The following RHBDF2 variants were observed in gnomAD, a reference collection of about 807,000 sequenced individuals.
The protein encoded by RHBDF2 is rhomboid 5 homolog 2.
Under a neutral mutation model 95.2 loss-of-function variants are expected in RHBDF2, and 38 were observed. The ratio of observed to expected loss-of-function variants is 0.40; its 90% CI spans 0.31 to 0.52. The LOEUF (loss-of-function observed/expected upper bound fraction) is 0.52. Among genes scored for constraint, RHBDF2 ranks in the 20% least tolerant of loss-of-function variants. The pLI is 0.56. For missense variants in RHBDF2, 863 were observed against 1,137.7 expected (o/e 0.76, Z 3.47); for synonymous variants, 442 against 462.0 (o/e 0.96, Z 0.55).
At chr17:76,491,205 T>A (rs905384579) in intron 1 of RHBDF2, among the ~76,000 whole-genome samples, 4 of 151,850 alleles carry the variant, frequency 2.6e-5, no homozygotes, top group Non-Finnish European at 5.9e-5. Flanking sequence ...CCCACTAGAC[T>A]CCCCACTAGA....
rs2073816440 is a variant in RHBDF2 at position 76,477,651 on chromosome 17, G to A, written c.801+6C>T. The A allele has an allele frequency of 6.2e-7, 1 of 1,613,724 alleles. No individual in the cohort carries two copies. The highest frequency in any genetic ancestry group is 1.1e-5 in the South Asian group (1 of 91,080). On this transcript the variant is annotated splice_donor_region_variant and intron_variant, in intron 7 of 18. Transcript: ENST00000675367. ...CAACTCCTGCTGTCCCACACCCCAT[G>A]CTTGCCTTACTAAAAAAGGAGGAGT... is the stretch of plus-strand genomic sequence containing the variant.
intron 17 of RHBDF2, 59 bp from the exon 18 acceptor site, chr17:76,472,898 T>C: frequency 6.3e-7 from 1 of 1,577,198 alleles, no homozygotes; most frequent in East Asian, 2.3e-5. Context: ...AGCAGTAGGC[T>C]TCGGCAGGTT....
intron 1 of RHBDF2, among the ~76,000 whole-genome samples, chr17:76,494,245 G>A (rs965301044): frequency 6.6e-6 from 1 of 152,162 alleles, no homozygotes; most frequent in African/African-American, 2.4e-5. Flanking sequence ...AGATACAAAT[G>A]CCCCCTCCTC....
Position 76,476,860 on chromosome 17 carries a change from T to C in RHBDF2, c.1085A>G (p.Gln362Arg). 6.2e-7 allele frequency: 1 copy of C among 1,611,544 alleles called. No homozygotes were observed. The highest frequency in any genetic ancestry group is 8.5e-7 in the Non-Finnish European group (1 of 1,179,388). Residue 362 changes from glutamine (Q) to arginine (R), a missense_variant, in exon 9 of 19, where the codon CAG becomes CGG. Physicochemically the swap from Gln to Arg is conservative, Grantham distance 43. Around this residue, in one of 2 missense-constraint regions of RHBDF2, gnomAD observed 611 missense variants for 725.5 expected, o/e 0.84. Transcript: ENST00000675367. ...SYRRSISSTV[Q>R]RQLESFDSHR... ...GCTGTCGAAGCTCTCCAGCTGCCGC[T>C]GCACAGTGCTGCTGATGCTGCGGCG... is the stretch of plus-strand genomic sequence containing the variant.
chr17:76,488,949 C>CCAA (rs2074222649), intron 1 of RHBDF2, among the ~76,000 whole-genome samples: 1 of 151,434 alleles, frequency 6.6e-6, no homozygotes, highest in African/African-American at 2.4e-5. Flanking sequence ...CTCTGTCTCA[C>CCAA]AACCAAAACC....
chr17:76,474,765 T>C lies in RHBDF2; in HGVS notation c.1267A>G (p.Ile423Val). The change falls in exon 11 of 19, where the codon ATC becomes GTC. Residue 423 changes from isoleucine to valine, a missense_variant. By Grantham distance (29) the Ile-to-Val change is conservative. Around this residue, in one of 2 missense-constraint regions of RHBDF2, gnomAD observed 611 missense variants for 725.5 expected, o/e 0.84. Coordinates refer to ENST00000675367, the MANE Select transcript of RHBDF2 (RefSeq NM_001005498.4). The part of the protein sequence containing the change: ...NKGVYESVKY[I>V]QQENFWVGPS... ...CCAACCCAGAAGTTCTCCTGCTGGA[T>C]GTACTTCACGCTCTCGTACACACCT... 2 of 1,614,148 alleles carry C rather than the reference T, an allele frequency of 1.2e-6. No individual in the cohort carries two copies. The highest frequency in any genetic ancestry group is 1.7e-6 in the Non-Finnish European group (2 of 1,180,004).
intron 1 of RHBDF2, among the ~76,000 whole-genome samples, chr17:76,490,879 G>T (rs996219556): frequency 6.6e-6 from 1 of 152,194 alleles, no homozygotes; most frequent in Non-Finnish European, 1.5e-5. Context: ...TTTATTGCCT[G>T]CTCTCTCCAG....
chr17:76,492,327 C>G (rs966707088), intron 1 of RHBDF2, among the ~76,000 whole-genome samples: 1 of 152,176 alleles, frequency 6.6e-6, no homozygotes, highest in African/African-American at 2.4e-5. Context: ...GCTTTGGAGA[C>G]AGCATAACCC....
chr17:76,489,680 G>A (rs2074248029), intron 1 of RHBDF2, among the ~76,000 whole-genome samples: 1 of 138,048 alleles, frequency 7.2e-6, no homozygotes, highest in Non-Finnish European at 1.6e-5. Context: ...ACCCCAAGAT[G>A]CCGGAAGCCC....
chr17:76,486,646 C>T (rs945356555), intron 2 of RHBDF2, among the ~76,000 whole-genome samples: 32 of 151,546 alleles, frequency 2.1e-4, no homozygotes, highest in African/African-American at 7.0e-4. Flanking sequence ...CTAGGAAGGT[C>T]GAGGCTGCAG....
chr17:76,471,719 T>C lies in RHBDF2; in HGVS notation c.2398A>G (p.Asn800Asp). Reference sequence around the variant, plus strand: ...GTGAGGTGCTCGATCCAGGGCCAGTTAATGGGGTAGATGTACAGCCACAGC... The same window carrying C: ...GTGAGGTGCTCGATCCAGGGCCAGTCAATGGGGTAGATGTACAGCCACAGC... ...LVLWLYIYPI[N>D]WPWIEHLTCF... The change falls in exon 19 of 19, where the codon AAC (asparagine) becomes GAC (aspartate). Residue 800 changes from asparagine (N) to aspartate (D), a missense_variant. Physicochemically the swap from Asn to Asp is conservative, Grantham distance 23 (BLOSUM62 1). Coordinates refer to ENST00000675367, the MANE Select transcript of RHBDF2 (RefSeq NM_001005498.4). The C allele has an allele frequency of 2.5e-6, 4 of 1,611,152 alleles. No individual in the cohort carries two copies. The highest frequency in any genetic ancestry group is 1.3e-5 in the African/African-American group (1 of 74,952).
rs2074423895 is a variant in RHBDF2 at position 76,496,259 on chromosome 17, C to T, written c.-220+5094G>A. 3.3e-5 allele frequency among the ~76,000 whole-genome samples: 5 copies of T among 152,334 alleles called. No homozygotes were observed. In the South Asian group the frequency reaches 6.2e-4, roughly 19 times the overall value. On this transcript the variant is annotated intron_variant, in intron 1 of 18. Transcript: ENST00000675367. ...ATTCCTGGCTGAGCTCTGCCACCAT[C>T]GCTCACTTAGTCTCTATCTGAGCCA...
intron 2 of RHBDF2, among the ~76,000 whole-genome samples, chr17:76,484,931 G>A (rs2074078669): frequency 6.6e-6 from 1 of 152,178 alleles, no homozygotes; most frequent in East Asian, 1.9e-4. Flanking sequence ...CTGCACAAGG[G>A]GGAGAGTAAC....
At position 76,475,136 on chromosome 17, in the gene RHBDF2, T is replaced by C. The variant is rs1381633042; in HGVS notation, c.1121A>G (p.Tyr374Cys). 5 of 1,589,688 alleles carry C rather than the reference T, an allele frequency of 3.1e-6. No homozygotes were observed. Among genetic ancestry groups the C allele is most frequent in the East Asian group, 2.3e-5 (1 of 44,088 alleles). The part of the protein sequence containing the change: ...QLESFDSHRP[Y>C]FTYWLTFVHV... ...GACGAAGGTCAGCCAGTAGGTGAAG[T>C]AGGGCCTGTGCAGAGACACCTCGGG... The change falls in exon 10 of 19, where the codon TAC (tyrosine) becomes TGC (cysteine). Residue 374 changes from tyrosine (Y) to cysteine (C), a missense_variant. Coordinates refer to ENST00000675367, the MANE Select transcript of RHBDF2 (RefSeq NM_001005498.4).
chr17:76,486,582 T>C (rs2074135105), intron 2 of RHBDF2, among the ~76,000 whole-genome samples: 1 of 151,990 alleles, frequency 6.6e-6, no homozygotes, highest in South Asian at 2.1e-4. Flanking sequence ...GATATGGTGG[T>C]GCGTGCATAT....
At chr17:76,478,318 G>A (rs2073837093) in intron 6 of RHBDF2, among the ~76,000 whole-genome samples, 1 of 152,202 alleles carries the variant, frequency 6.6e-6, no homozygotes, top group African/African-American at 2.4e-5. Context: ...TGAGAATGCT[G>A]TTCCCTTCCT....
Position 76,475,148 on chromosome 17 carries a change from A to G in RHBDF2, c.1116-7T>C, listed in dbSNP as rs920432024. On this transcript the variant is annotated splice_polypyrimidine_tract_variant and splice_region_variant and intron_variant, in intron 9 of 18. Transcript: ENST00000675367. ...CCAGTAGGTGAAGTAGGGCCTGTGC[A>G]GAGACACCTCGGGTCAGCTGAGCCG... 6.3e-7 allele frequency: 1 copy of G among 1,576,472 alleles called. No homozygotes were observed. Among genetic ancestry groups the G allele is most frequent in the African/African-American group, 1.3e-5 (1 of 74,476 alleles).
At chr17:76,472,952 G>A (rs917111473) in intron 17 of RHBDF2, 53 bp downstream of exon 17, 85 of 1,601,444 alleles carry the variant, frequency 5.3e-5, no homozygotes, top group South Asian at 6.6e-5. Flanking sequence ...CCAGGGGTCC[G>A]GCTGGGTGGC....
intron 3 of RHBDF2, 152 bp from the exon 4 acceptor site, chr17:76,480,006 AATG>A: frequency 1.7e-5 from 10 of 598,210 alleles, no homozygotes; most frequent in East Asian, 3.8e-5. Context: ...ATATATATAT[AATG>A]TGTGTGTGTG....
Sources: gnomAD v4.1 joint callset for allele counts (sites outside exome capture counted in the v4.1 genomes callset) on GRCh38, gnomAD v4.1.1 for gene constraint, gnomAD v4.1.1 regional missense constraint, MANE v1.5 for transcripts, NCBI Gene and HGNC (gene_info 2026-07-23, HGNC 2026-07-21) for gene names.